AKAP19: variants seen among roughly 807,000 people sequenced by gnomAD.
The protein encoded by AKAP19 is A-kinase anchoring protein 19.
At chr2:190,096,021 C>A in the AKAP19 span, among the ~76,000 whole-genome samples, 57 of 152,194 alleles carry the variant, frequency 3.7e-4, no homozygotes, top group African/African-American at 1.3e-3. Context: ...GTGTGGGTGG[C>A]CTATAGAAGC....
chr2:189,923,110 C>T, the AKAP19 span, among the ~76,000 whole-genome samples: 3 of 152,274 alleles, frequency 2.0e-5, no homozygotes, highest in Admixed American at 2.0e-4. Flanking sequence ...AAGATCGCAC[C>T]ACTGCACTCC....
chr2:189,891,469 C>T, the AKAP19 span, among the ~76,000 whole-genome samples: 2 of 151,922 alleles, frequency 1.3e-5, no homozygotes, highest in East Asian at 3.9e-4. Context: ...ATGATCTGCC[C>T]ACCTCGGCCT....
At chr2:190,092,558 C>T in the AKAP19 span, among the ~76,000 whole-genome samples, 1 of 152,142 alleles carries the variant, frequency 6.6e-6, no homozygotes, top group East Asian at 1.9e-4. Flanking sequence ...TCTCTGCTTC[C>T]TTGGACTTTC....
chr2:190,094,076 G>A, the AKAP19 span, among the ~76,000 whole-genome samples: 7 of 152,202 alleles, frequency 4.6e-5, no homozygotes, highest in South Asian at 2.1e-4. Flanking sequence ...TCTCCACAGC[G>A]ACAGAGTAAG....
chr2:190,043,089 A>G, the AKAP19 span, among the ~76,000 whole-genome samples: 2,662 of 152,200 alleles, frequency 0.017, 349 homozygotes, highest in East Asian at 0.34. Context: ...TTCCCTTTGT[A>G]GGTGACCTGC....
the AKAP19 span, among the ~76,000 whole-genome samples, chr2:190,059,540 T>C: frequency 2.6e-5 from 4 of 151,954 alleles, no homozygotes; most frequent in African/African-American, 9.7e-5. Flanking sequence ...TTGAGAAACC[T>C]TAAATATATT....
the AKAP19 span, among the ~76,000 whole-genome samples, chr2:190,085,270 T>C: frequency 5.3e-5 from 8 of 152,348 alleles, no homozygotes; most frequent in East Asian, 1.5e-3. Flanking sequence ...AATTAAAGCC[T>C]ATTCATAATT....
At chr2:190,063,415 A>G in the AKAP19 span, among the ~76,000 whole-genome samples, 3 of 152,114 alleles carry the variant, frequency 2.0e-5, no homozygotes, top group East Asian at 1.9e-4. Context: ...ATTATTTCCT[A>G]TTCTAAAGAT....
At chr2:189,890,507 T>C in the AKAP19 span, among the ~76,000 whole-genome samples, 3 of 152,170 alleles carry the variant, frequency 2.0e-5, no homozygotes, top group Non-Finnish European at 4.4e-5. Flanking sequence ...CTATCTAATA[T>C]TGACAGTGGG....
chr2:190,057,744 A>C, the AKAP19 span: 1 of 1,216,744 alleles, frequency 8.2e-7, no homozygotes, highest in South Asian at 1.3e-5. Context: ...AATTTTGCTC[A>C]TACCACATTT....
the AKAP19 span, among the ~76,000 whole-genome samples, chr2:190,004,504 T>C: frequency 6.6e-6 from 1 of 152,068 alleles, no homozygotes; most frequent in East Asian, 1.9e-4. Flanking sequence ...GCAGATGTCT[T>C]TCAAAATTAT....
At chr2:190,179,520 T>C in the AKAP19 span, among the ~76,000 whole-genome samples, 2 of 152,300 alleles carry the variant, frequency 1.3e-5, no homozygotes, top group Admixed American at 1.3e-4. The surrounding 1 kb of genome is among the most constrained non-coding windows in gnomAD (Gnocchi z 6.0). Flanking sequence ...CATACTAGCA[T>C]GAAGAAAAAT....
At chr2:190,053,827 A>G in the AKAP19 span, among the ~76,000 whole-genome samples, 2 of 152,170 alleles carry the variant, frequency 1.3e-5, no homozygotes, top group Admixed American at 1.3e-4. Context: ...GAAACTATTG[A>G]AATGACATTT....
the AKAP19 span, among the ~76,000 whole-genome samples, chr2:190,059,169 G>A: frequency 6.6e-6 from 1 of 151,878 alleles, no homozygotes; most frequent in Non-Finnish European, 1.5e-5. Flanking sequence ...TTGTTTACAA[G>A]TATAATCTTC....
At chr2:190,029,800 G>T in the AKAP19 span, among the ~76,000 whole-genome samples, 1 of 152,104 alleles carries the variant, frequency 6.6e-6, no homozygotes, top group Non-Finnish European at 1.5e-5. Context: ...GTAAAAATAT[G>T]TGTGTGTTTA....
the AKAP19 span, among the ~76,000 whole-genome samples, chr2:190,134,251 A>G: frequency 2.6e-5 from 4 of 152,142 alleles, no homozygotes; most frequent in Admixed American, 2.6e-4. Flanking sequence ...AAAATATAAA[A>G]TACTACTGTT....
the AKAP19 span, among the ~76,000 whole-genome samples, chr2:190,122,096 C>G: frequency 6.6e-6 from 1 of 152,088 alleles, no homozygotes; most frequent in Non-Finnish European, 1.5e-5. Flanking sequence ...AATCATTTAA[C>G]CAATAAAATG....
the AKAP19 span, among the ~76,000 whole-genome samples, chr2:189,944,171 G>T: frequency 6.6e-6 from 1 of 152,174 alleles, no homozygotes; most frequent in Admixed American, 6.5e-5. Flanking sequence ...CAGATCTCAC[G>T]TTGAATTGTA....
At chr2:189,926,782 A>AC in the AKAP19 span, among the ~76,000 whole-genome samples, 3 of 151,202 alleles carry the variant, frequency 2.0e-5, no homozygotes, top group East Asian at 5.9e-4. Flanking sequence ...ACGGGGTTTC[A>AC]CTGTGTTAGC....
Sources: gnomAD v4.1 joint callset for allele counts (sites outside exome capture counted in the v4.1 genomes callset) on GRCh38, gnomAD v4.1.1 for gene constraint, Gnocchi (gnomAD v3.1) non-coding constraint, MANE v1.5 for transcripts, NCBI Gene and HGNC (gene_info 2026-07-23, HGNC 2026-07-21) for gene names.